TNIK: variants seen among roughly 807,000 people sequenced by gnomAD.
TNIK encodes the protein TRAF2 and NCK interacting kinase.
TNIK carries 49 observed loss-of-function variants against 191.3 expected under a neutral mutation model. The ratio of observed to expected loss-of-function variants is 0.26; its 90% confidence interval spans 0.20 to 0.32. TNIK has a LOEUF of 0.32. Ranked by LOEUF, TNIK falls within the 10% of genes least tolerant of loss-of-function variation. TNIK has a pLI of 1.00. For synonymous variants in TNIK, 594 were observed against 600.9 expected (o/e 0.99, Z 0.17); for missense variants, 1,155 against 1,702.3 (o/e 0.68, Z 5.66).
chr3:171,179,641 C>T (rs1347510304), intron 7 of TNIK, among the ~76,000 whole-genome samples: 3 of 151,944 alleles, frequency 2.0e-5, no homozygotes, highest in South Asian at 2.1e-4. Flanking sequence ...TTAGTAGAGA[C>T]GGGTTTCACA....
chr3:171,399,818 T>G (rs1450653782), intron 1 of TNIK, among the ~76,000 whole-genome samples: 2 of 152,222 alleles, frequency 1.3e-5, no homozygotes, highest in Non-Finnish European at 1.5e-5. Flanking sequence ...AAAAATTTAT[T>G]TTATTCTCCA....
chr3:171,197,623 T>C (rs998208900), intron 4 of TNIK, among the ~76,000 whole-genome samples: 1 of 152,150 alleles, frequency 6.6e-6, no homozygotes, highest in Non-Finnish European at 1.5e-5. Context: ...CCAAAGAAGA[T>C]ATACAAATGG....
chr3:171,202,202 CAT>C (rs773911035), intron 4 of TNIK, among the ~76,000 whole-genome samples: 5 of 151,532 alleles, frequency 3.3e-5, no homozygotes, highest in African/African-American at 1.2e-4. Context: ...AAATTTTCTG[CAT>C]ATATATATGT....
intron 2 of TNIK, among the ~76,000 whole-genome samples, chr3:171,240,546 CCTA>C (rs58476010): frequency 0.31 from 46,959 of 151,730 alleles, 7,713 homozygotes; most frequent in African/African-American, 0.42. Context: ...GTTCTCTTCT[CCTA>C]CTATTCCCCC....
chr3:171,187,596 A>T (rs1280379979), intron 7 of TNIK, among the ~76,000 whole-genome samples: 1 of 152,178 alleles, frequency 6.6e-6, no homozygotes, highest in Non-Finnish European at 1.5e-5. Context: ...TATACTGTTC[A>T]ATTGATAAAT....
chr3:171,379,381 G>A (rs1289948446), intron 1 of TNIK, among the ~76,000 whole-genome samples: 1 of 152,120 alleles, frequency 6.6e-6, no homozygotes, highest in East Asian at 1.9e-4. Flanking sequence ...ACACTGACTT[G>A]AATATTTTTT....
chr3:171,396,625 C>A (rs1054637968), intron 1 of TNIK, among the ~76,000 whole-genome samples: 1 of 152,194 alleles, frequency 6.6e-6, no homozygotes, highest in African/African-American at 2.4e-5. Flanking sequence ...AGCAGGCCCT[C>A]AATGCCAGTG....
chr3:171,436,374 T>G (rs912605371), intron 1 of TNIK, among the ~76,000 whole-genome samples: 36 of 152,342 alleles, frequency 2.4e-4, no homozygotes, highest in African/African-American at 7.0e-4. Flanking sequence ...TATTGAACAT[T>G]TATTGTGTAT....
At chr3:171,444,773 A>T (rs1727273010) in intron 1 of TNIK, among the ~76,000 whole-genome samples, 1 of 152,220 alleles carries the variant, frequency 6.6e-6, no homozygotes, top group Non-Finnish European at 1.5e-5. Context: ...CTGAGGTCAT[A>T]TGCCTTATGA....
chr3:171,080,737 C>A (rs1720569124), intron 27 of TNIK, among the ~76,000 whole-genome samples: 2 of 152,132 alleles, frequency 1.3e-5, no homozygotes, highest in South Asian at 4.1e-4. Context: ...TGAATATATA[C>A]CAGCAGAAGA....
At chr3:171,133,292 A>G (rs1422163698) in intron 15 of TNIK, among the ~76,000 whole-genome samples, 1 of 152,216 alleles carries the variant, frequency 6.6e-6, no homozygotes, top group Non-Finnish European at 1.5e-5. Context: ...AAGTTGATAT[A>G]GGAAATAAAG....
intron 7 of TNIK, among the ~76,000 whole-genome samples, chr3:171,182,801 T>C (rs1184371017): frequency 6.6e-6 from 1 of 152,142 alleles, no homozygotes; most frequent in Non-Finnish European, 1.5e-5. Context: ...TGAGAGGCTG[T>C]GTGGCACAAG....
At chr3:171,120,083 GT>G (rs1727423772) in intron 18 of TNIK, among the ~76,000 whole-genome samples, 1 of 152,150 alleles carries the variant, frequency 6.6e-6, no homozygotes, top group Non-Finnish European at 1.5e-5. Flanking sequence ...TTGTCCTCAA[GT>G]TACAGGTATA....
chr3:171,302,688 G>T (rs1466854409), intron 2 of TNIK, among the ~76,000 whole-genome samples: 1 of 152,192 alleles, frequency 6.6e-6, no homozygotes, highest in East Asian at 1.9e-4. Flanking sequence ...TTAAAGGAAA[G>T]TCATTAATTC....
At chr3:171,288,391 G>A (rs1032173886) in intron 2 of TNIK, among the ~76,000 whole-genome samples, 6 of 151,772 alleles carry the variant, frequency 4.0e-5, no homozygotes, top group Admixed American at 2.6e-4. Flanking sequence ...CTGACCCACA[G>A]AAACGAACTT....
chr3:171,265,845 G>T (rs1055548123), intron 2 of TNIK, among the ~76,000 whole-genome samples: 1 of 147,330 alleles, frequency 6.8e-6, no homozygotes, highest in African/African-American at 2.5e-5. Flanking sequence ...CTTTAAATAA[G>T]CATTATTTTT....
intron 1 of TNIK, among the ~76,000 whole-genome samples, chr3:171,450,228 A>G (rs1301934874): frequency 6.6e-6 from 1 of 152,142 alleles, no homozygotes; most frequent in Admixed American, 6.5e-5. Context: ...TTTATTTTCA[A>G]CATCTGAAGC....
chr3:171,368,800 G>A (rs747768963), intron 2 of TNIK, among the ~76,000 whole-genome samples: 23 of 152,092 alleles, frequency 1.5e-4, no homozygotes, highest in Admixed American at 4.6e-4. Context: ...ATCCCATATC[G>A]CTGCCACTAG....
At chr3:171,124,067 T>C (rs1728146060) in intron 17 of TNIK, among the ~76,000 whole-genome samples, 1 of 152,208 alleles carries the variant, frequency 6.6e-6, no homozygotes, top group African/African-American at 2.4e-5. Flanking sequence ...CATTAACTCA[T>C]TGGAAGTTGC....
Sources: gnomAD v4.1 joint callset for allele counts (sites outside exome capture counted in the v4.1 genomes callset) on GRCh38, gnomAD v4.1.1 for gene constraint, MANE v1.5 for transcripts, NCBI Gene and HGNC (gene_info 2026-07-23, HGNC 2026-07-21) for gene names.